Variants in KIF27 observed in about 807,000 individuals in gnomAD.
The protein encoded by KIF27 is kinesin family member 27, also known as kinesin-like protein KIF27.
Under a neutral mutation model 141.8 loss-of-function variants are expected in KIF27, and 84 were observed. The observed-to-expected ratio is 0.59, with a 90% confidence interval of 0.50 to 0.71. KIF27 has a LOEUF of 0.71. Among genes scored for constraint, KIF27 ranks in the 30% least tolerant of loss-of-function variants. The probability of loss-of-function intolerance (pLI) is 0.00; values close to 1 mark genes in which losing one functional copy is unlikely to be tolerated. For missense variants in KIF27, 1,306 were observed against 1,628.4 expected (o/e 0.80, Z 3.41); for synonymous variants, 471 against 569.5 (o/e 0.83, Z 2.46).
chr9:83,842,713 G>A (rs1455984513), intron 16 of KIF27, among the ~76,000 whole-genome samples: 10 of 152,076 alleles, frequency 6.6e-5, no homozygotes, highest in African/African-American at 2.2e-4. Context: ...TGATCCGCCC[G>A]CCTCGGCCTC....
intron 2 of KIF27, among the ~76,000 whole-genome samples, chr9:83,911,129 C>T (rs7861065): frequency 0.21 from 32,426 of 152,026 alleles, 3,717 homozygotes; most frequent in Middle Eastern, 0.29. Flanking sequence ...TGCAGTGGCA[C>T]AATCATGGCT....
At chr9:83,862,359 G>A (rs1441261556) in intron 13 of KIF27, among the ~76,000 whole-genome samples, 2 of 152,260 alleles carry the variant, frequency 1.3e-5, no homozygotes, top group East Asian at 3.9e-4. Flanking sequence ...TGTATAAGAT[G>A]TAAGGAAGGG....
chr9:83,899,569 T>A (rs1016062347), intron 5 of KIF27, 92 bp downstream of exon 5: 100 of 927,048 alleles, frequency 1.1e-4, no homozygotes, highest in Non-Finnish European at 1.5e-4. Context: ...ACATCCTTTT[T>A]TTAAGTTCCC....
rs547907697 is a variant in KIF27 at position 83,874,790 on chromosome 9, GAGGTACGCTGGCATGTGCCTGCAGTCCT to G, written c.2644-4186_2644-4159del. On this transcript the variant is annotated intron_variant, in intron 11 of 17. Transcript: ENST00000297814. The stretch of plus-strand genomic sequence containing the variant: ...CTCTACAAAAAATTAAAAAGTGTGT[GAGGTACGCTGGCATGTGCCTGCAGTCCT>G]AGCTACTTGGGAGGCTGAGGTGGGA... Among the ~76,000 whole-genome samples, 909 of 151,848 alleles carry G rather than the reference GAGGTACGCTGGCATGTGCCTGCAGTCCT, an allele frequency of 6.0e-3. 9 individuals are homozygous for G. Among genetic ancestry groups the G allele is most frequent in the African/African-American group, 0.021 (862 of 41,406 alleles).
intron 9 of KIF27, among the ~76,000 whole-genome samples, chr9:83,885,032 C>T (rs949602108): frequency 3.3e-5 from 5 of 152,266 alleles, no homozygotes; most frequent in Middle Eastern, 3.4e-3. Flanking sequence ...CTGGCAAACT[C>T]GTGGCAGTAG....
intron 14 of KIF27, among the ~76,000 whole-genome samples, chr9:83,854,293 G>A (rs1948943254): frequency 6.6e-6 from 1 of 152,022 alleles, no homozygotes; most frequent in Non-Finnish European, 1.5e-5. Context: ...ACTCACTGTT[G>A]TCCCTTCAGT....
At chr9:83,850,551 G>C (rs950883146) in intron 15 of KIF27, among the ~76,000 whole-genome samples, 6 of 151,770 alleles carry the variant, frequency 4.0e-5, no homozygotes, top group African/African-American at 7.3e-5. Context: ...AGGCTGAGGT[G>C]GGGGGGATCG....
intron 16 of KIF27, among the ~76,000 whole-genome samples, chr9:83,844,851 G>A (rs1486912755): frequency 1.3e-5 from 2 of 152,110 alleles, no homozygotes; most frequent in African/African-American, 4.8e-5. Flanking sequence ...TGCTACATTC[G>A]GCCCTTCCTA....
At chr9:83,905,426 A>G (rs1954419034) in intron 3 of KIF27, among the ~76,000 whole-genome samples, 1 of 152,032 alleles carries the variant, frequency 6.6e-6, no homozygotes. Flanking sequence ...CCTATATCCA[A>G]AAATATTTCA....
At chr9:83,919,591 C>T (rs1263129783) in intron 1 of KIF27, among the ~76,000 whole-genome samples, 1 of 151,398 alleles carries the variant, frequency 6.6e-6, no homozygotes, top group Non-Finnish European at 1.5e-5. Flanking sequence ...ATATTCACTA[C>T]CCTTGAAAAA....
intron 5 of KIF27, among the ~76,000 whole-genome samples, chr9:83,897,540 A>C (rs1420133522): frequency 6.6e-6 from 1 of 152,224 alleles, no homozygotes; most frequent in African/African-American, 2.4e-5. Context: ...AAGTATCCTC[A>C]GAGGAAACAA....
chr9:83,861,238 G>C (rs1292787032), intron 13 of KIF27, among the ~76,000 whole-genome samples: 2 of 151,544 alleles, frequency 1.3e-5, no homozygotes, highest in African/African-American at 4.9e-5. Context: ...GTGCAGGTTT[G>C]TTACATATGT....
Position 83,920,475 on chromosome 9 carries a change from T to C in KIF27, c.-88+896A>G, listed in dbSNP as rs182669203. On this transcript the variant is annotated intron_variant, in intron 1 of 17. Coordinates refer to ENST00000297814, the MANE Select transcript of KIF27 (RefSeq NM_017576.4). ...GGCAAGAGAAATATTGAATCCCTCA[T>C]GTCATGTCACTGGTCAGGAATGAGT... Among the ~76,000 whole-genome samples the C allele has an allele frequency of 2.6e-5, 4 of 152,322 alleles. No individual in the cohort carries two copies. In the East Asian group the frequency reaches 7.7e-4, roughly 29 times the overall value.
chr9:83,884,355 G>A (rs1951915636), intron 9 of KIF27, among the ~76,000 whole-genome samples: 1 of 151,880 alleles, frequency 6.6e-6, no homozygotes, highest in African/African-American at 2.4e-5. Context: ...GTGACTGTTT[G>A]TCCTCTTGCT....
Position 83,855,832 on chromosome 9 carries a change from T to A in KIF27, c.3151-1997A>T, listed in dbSNP as rs185933009. On this transcript the variant is annotated intron_variant, in intron 14 of 17. Coordinates refer to ENST00000297814, the MANE Select transcript of KIF27 (RefSeq NM_017576.4). ...AACAAATGTGAAGAGTTTGCCTTTATACATGGCTGAGGACAATTTCGTATA... is the reference window on the plus strand; with the variant it reads ...AACAAATGTGAAGAGTTTGCCTTTAAACATGGCTGAGGACAATTTCGTATA... Among the ~76,000 whole-genome samples the A allele has an allele frequency of 6.6e-5, 10 of 152,356 alleles. No homozygotes were observed. The East Asian group carries it at 1.9e-3, about 29-fold the overall frequency.
intron 5 of KIF27, among the ~76,000 whole-genome samples, chr9:83,894,633 G>A (rs182314875): frequency 3.3e-5 from 5 of 152,198 alleles, no homozygotes; most frequent in East Asian, 3.9e-4. Context: ...TAGTTTCCCC[G>A]CCAGATAACA....
chr9:83,881,646 TC>T (rs1951685038), intron 10 of KIF27, among the ~76,000 whole-genome samples: 1 of 152,232 alleles, frequency 6.6e-6, no homozygotes, highest in African/African-American at 2.4e-5. Flanking sequence ...ACAAGAACAA[TC>T]GGCAGATGGA....
intron 16 of KIF27, chr9:83,848,847 T>A (rs1448682227): frequency 2.0e-5 from 3 of 151,770 alleles, no homozygotes. Context: ...GGGTCTTAAC[T>A]CTGTCACCCA....
intron 16 of KIF27, chr9:83,847,744 CAT>C (rs1295579414): frequency 6.6e-6 from 1 of 151,968 alleles, no homozygotes; most frequent in African/African-American, 2.4e-5. Context: ...GGCAGAAAAA[CAT>C]AAGAAGGTGA....
Sources: gnomAD v4.1 joint callset for allele counts (sites outside exome capture counted in the v4.1 genomes callset) on GRCh38, gnomAD v4.1.1 for gene constraint, MANE v1.5 for transcripts, NCBI Gene and HGNC (gene_info 2026-07-23, HGNC 2026-07-21) for gene names.